The following CLHC1 variants were observed in gnomAD, a reference collection of about 807,000 sequenced individuals.
The protein encoded by CLHC1 is clathrin heavy chain linker domain containing 1.
Under a neutral mutation model 69.5 loss-of-function variants are expected in CLHC1, and 72 were observed. The observed-to-expected ratio is 1.04, with a 90% CI of 0.86 to 1.26. CLHC1 has a LOEUF of 1.26. Among genes scored for constraint, CLHC1 ranks in the 50% most tolerant of loss-of-function variants. The probability of loss-of-function intolerance (pLI) is 0.00; values close to 1 mark genes in which losing one functional copy is unlikely to be tolerated. For missense variants in CLHC1, 790 were observed against 679.3 expected (o/e 1.16, Z -1.81); for synonymous variants, 223 against 224.3 (o/e 0.99, Z 0.05).
chr2:55,222,247 A>G lies in CLHC1; in HGVS notation c.165T>C (p.Asn55=), dbSNP rs1228115138. The change falls in exon 3 of 13, where the codon AAT becomes AAC. Residue 55 remains asparagine (N), a synonymous_variant. Transcript: ENST00000401408. The stretch of plus-strand genomic sequence containing the variant: ...AGCTTTATGATACCTTATCAAAAAC[A>G]TTTCGGTATATGATGTAATATTCAT... ...PADEYYIIYR[N]VFDKVIEHIT... 1.2e-6 allele frequency: 2 copies of G among 1,612,044 alleles called. No individual in the cohort carries two copies.
At chr2:55,200,619 T>C (rs968136892) in intron 9 of CLHC1, among the ~76,000 whole-genome samples, 31 of 152,124 alleles carry the variant, frequency 2.0e-4, no homozygotes, top group Non-Finnish European at 1.5e-5. Context: ...ACTGGACAGA[T>C]CATCCAGACA....
At chr2:55,229,957 C>G (rs1036193347) in intron 1 of CLHC1, among the ~76,000 whole-genome samples, 6 of 152,192 alleles carry the variant, frequency 3.9e-5, no homozygotes, top group Non-Finnish European at 7.3e-5. Context: ...CCTGTAATCC[C>G]AGCTACTGGA....
At chr2:55,177,471 T>A (rs1453438794) in intron 12 of CLHC1, 131 bp downstream of exon 12, 1 of 505,244 alleles carries the variant, frequency 2.0e-6, no homozygotes, top group African/African-American at 1.9e-5. Context: ...TTTACATTTA[T>A]AAACTCCTAA....
At chr2:55,214,311 C>G (rs1211873636) in intron 4 of CLHC1, 2 of 152,272 alleles carry the variant, frequency 1.3e-5, no homozygotes, top group Non-Finnish European at 2.9e-5. Flanking sequence ...AGTTTGAGAC[C>G]AGCCTGACCA....
intron 5 of CLHC1, among the ~76,000 whole-genome samples, chr2:55,211,764 T>A (rs545607637): frequency 1.3e-5 from 2 of 152,318 alleles, no homozygotes; most frequent in Admixed American, 1.3e-4. Flanking sequence ...GATGAATATC[T>A]GTAATTCCTC....
Position 55,218,081 on chromosome 2 carries a change from A to G in CLHC1, c.178-83T>C, listed in dbSNP as rs535897562. 19 of 665,328 alleles carry G rather than the reference A, an allele frequency of 2.9e-5. No homozygotes were observed. The East Asian group carries it at 5.4e-4, about 19-fold the overall frequency. 41.2% of individuals were successfully genotyped at this position (665,328 alleles called of 1,614,324 possible). ...GAAATTCTTGCAAATAACATTATAG[A>G]TTATTTTAAAAATGAAACATGATTA... On this transcript the variant is annotated intron_variant, in intron 3 of 12. Coordinates refer to ENST00000401408, the MANE Select transcript of CLHC1 (RefSeq NM_152385.4).
chr2:55,208,847 C>A, intron 7 of CLHC1, 137 bp from the exon 8 acceptor site: 1 of 484,808 alleles, frequency 2.1e-6, no homozygotes, highest in Non-Finnish European at 3.7e-6. Flanking sequence ...AACTTAGTGG[C>A]CTCCCCGTCC....
chr2:55,227,056 A>G (rs1674777214), intron 2 of CLHC1, among the ~76,000 whole-genome samples: 1 of 152,240 alleles, frequency 6.6e-6, no homozygotes, highest in Non-Finnish European at 1.5e-5. Flanking sequence ...AATACTGCCC[A>G]TAGCCATATA....
At chr2:55,198,484 C>G (rs1223734486) in intron 9 of CLHC1, among the ~76,000 whole-genome samples, 2 of 152,084 alleles carry the variant, frequency 1.3e-5, no homozygotes, top group African/African-American at 4.8e-5. Flanking sequence ...ATTCAGGAGG[C>G]TGAGCCAGGA....
chr2:55,216,243 A>G (rs1673491868), intron 4 of CLHC1: 1 of 151,808 alleles, frequency 6.6e-6, no homozygotes, highest in Non-Finnish European at 1.5e-5. Flanking sequence ...GCCATGAGCC[A>G]AGATCACACC....
chr2:55,192,260 C>T (rs1435811903), intron 9 of CLHC1, among the ~76,000 whole-genome samples: 1 of 152,050 alleles, frequency 6.6e-6, no homozygotes, highest in East Asian at 1.9e-4. Context: ...CCTGGGATTA[C>T]AGGCACTCAC....
chr2:55,209,526 T>TA lies in CLHC1; in HGVS notation c.702-11dup, dbSNP rs750107747. 5.0e-6 allele frequency: 8 copies of TA among 1,593,348 alleles called. No individual in the cohort carries two copies. The African/African-American group carries it at 9.5e-5, about 19-fold the overall frequency. ...CTGCAGTCTTTGATGACTAAAAAGA[T>TA]AAAAAACGTCAATAACACACTGAGC... is the stretch of plus-strand genomic sequence containing the variant. On this transcript the variant is annotated splice_polypyrimidine_tract_variant and intron_variant, in intron 6 of 12. Transcript: ENST00000401408.
intron 3 of CLHC1, among the ~76,000 whole-genome samples, chr2:55,221,221 G>A (rs1172577802): frequency 6.6e-6 from 1 of 152,144 alleles, no homozygotes; most frequent in Non-Finnish European, 1.5e-5. Flanking sequence ...CTGTGGCAAA[G>A]AGGAAAGATG....
chr2:55,218,622 G>A (rs1673810647), intron 3 of CLHC1: 1 of 152,164 alleles, frequency 6.6e-6, no homozygotes, highest in Admixed American at 6.5e-5. Context: ...GACAGGAGAA[G>A]TAGAATCTGA....
chr2:55,192,973 C>T (rs909028262), intron 9 of CLHC1, among the ~76,000 whole-genome samples: 1 of 151,166 alleles, frequency 6.6e-6, no homozygotes, highest in Non-Finnish European at 1.5e-5. Context: ...TCACTGCAAC[C>T]TCCGCCTCCT....
intron 2 of CLHC1, chr2:55,224,380 C>T: frequency 2.3e-6 from 1 of 441,962 alleles, no homozygotes; most frequent in Non-Finnish European, 4.6e-6. Context: ...GCTCCCCCGA[C>T]ACCCAGTGGA....
At chr2:55,206,632 A>G (rs931148379) in intron 8 of CLHC1, among the ~76,000 whole-genome samples, 3 of 152,140 alleles carry the variant, frequency 2.0e-5, no homozygotes, top group Non-Finnish European at 2.9e-5. Context: ...ATGATCCTAA[A>G]CTTTATTCCT....
chr2:55,194,152 A>G (rs1468495963), intron 9 of CLHC1, among the ~76,000 whole-genome samples: 18 of 152,174 alleles, frequency 1.2e-4, no homozygotes, highest in African/African-American at 3.9e-4. Context: ...TAATGGGTAC[A>G]AAGTTTATTT....
At chr2:55,181,035 C>T (rs1422909545) in intron 10 of CLHC1, among the ~76,000 whole-genome samples, 1 of 152,114 alleles carries the variant, frequency 6.6e-6, no homozygotes, top group Non-Finnish European at 1.5e-5. Context: ...GGCTGGAGTG[C>T]AGTGGCGCGA....
Sources: allele counts gnomAD v4.1 joint callset (sites outside exome capture counted in the v4.1 genomes callset), GRCh38; gene constraint gnomAD v4.1.1; transcripts MANE v1.5; gene names NCBI Gene and HGNC (gene_info 2026-07-23, HGNC 2026-07-21).